ATP1B1: variants seen among roughly 807,000 people sequenced by gnomAD.
The protein encoded by ATP1B1 is sodium/potassium-transporting ATPase subunit beta-1.
ATP1B1 carries 3 observed loss-of-function variants against 39.6 expected under a neutral mutation model. That is an observed-to-expected ratio of 0.08 (90% CI 0.03 to 0.20). The LOEUF (loss-of-function observed/expected upper bound fraction) is 0.20. Among genes scored for constraint, ATP1B1 ranks in the 10% least tolerant of loss-of-function variants. The pLI is 1.00. For synonymous variants in ATP1B1, 139 were observed against 135.0 expected (o/e 1.03, Z -0.20); for missense variants, 216 against 371.1 (o/e 0.58, Z 3.43).
chr1:169,114,862 C>T (rs941881486), intron 2 of ATP1B1, among the ~76,000 whole-genome samples: 2 of 151,640 alleles, frequency 1.3e-5, no homozygotes, highest in African/African-American at 4.9e-5. Flanking sequence ...CATATCCACA[C>T]ACACACAAAA....
In ATP1B1 at chr1:169,115,430, C is replaced by G. The variant is rs543390717; in HGVS notation, c.226+3932C>G. Among the ~76,000 whole-genome samples, 204 of 150,458 alleles carry G rather than the reference C, an allele frequency of 1.4e-3. 2 individuals carry two copies. Among genetic ancestry groups the G allele is most frequent in the African/African-American group, 4.7e-3 (194 of 40,864 alleles). The stretch of plus-strand genomic sequence containing the variant: ...GTGGCATGATCTTGGCTCACTGCAA[C>G]CTCTGCCCCCTGGGTTCAAGCGATT... On this transcript the variant is annotated intron_variant, in intron 2 of 5. Transcript: ENST00000367815.
rs74121896 is a variant in ATP1B1, at chr1:169,130,177, A to G, written c.648+87A>G. 1,604 of 1,154,566 alleles carry G rather than the reference A, an allele frequency of 1.4e-3. 18 individuals are homozygous for G. The African/African-American group carries it at 0.022, about 16-fold the overall frequency. The allele number at this position is 1,154,566 out of a possible 1,614,324, so 71.5% of individuals were successfully genotyped here. On this transcript the variant is annotated intron_variant, in intron 5 of 5. Coordinates refer to ENST00000367815, the MANE Select transcript of ATP1B1 (RefSeq NM_001677.4). ...GAAGAAGACTGTTTAAGTGACAGGT[A>G]GAATTTTAATAGAAGAAATAAGAAA...
intron 2 of ATP1B1, among the ~76,000 whole-genome samples, chr1:169,115,252 A>T (rs537349514): frequency 6.6e-6 from 1 of 151,734 alleles, no homozygotes; most frequent in Non-Finnish European, 1.5e-5. Context: ...AAATGAGATG[A>T]TAAACATATA....
chr1:169,132,361 ATTTTCT>A lies in ATP1B1; in HGVS notation c.*810_*815del. 4.3e-6 allele frequency: 2 copies of A among 463,030 alleles called. No individual in the cohort carries two copies. Among genetic ancestry groups the A allele is most frequent in the East Asian group, 3.5e-5 (1 of 28,762 alleles). 28.7% of individuals were successfully genotyped at this position (463,030 alleles called of 1,614,324 possible). On this transcript the variant is annotated 3_prime_UTR_variant, in exon 6 of 6. Transcript: ENST00000367815. ...CAGGGCTAATTAATTTGCTTTATAC[ATTTTCT>A]TTTACTTTCCTTTTTTCCTTTCTGG...
intron 2 of ATP1B1, among the ~76,000 whole-genome samples, chr1:169,123,334 C>G (rs900620233): frequency 4.6e-5 from 7 of 151,722 alleles, no homozygotes; most frequent in African/African-American, 1.7e-4. Context: ...GGAGGGGAGT[C>G]TCTGAGACTG....
At chr1:169,126,657 G>A (rs971097521) in intron 3 of ATP1B1, among the ~76,000 whole-genome samples, 21 of 152,124 alleles carry the variant, frequency 1.4e-4, no homozygotes, top group African/African-American at 4.6e-4. Flanking sequence ...GCTGCAGTGG[G>A]CCATGATCAT....
intron 2 of ATP1B1, among the ~76,000 whole-genome samples, chr1:169,123,310 G>A (rs928840163): frequency 1.3e-5 from 2 of 151,754 alleles, no homozygotes; most frequent in Non-Finnish European, 2.9e-5. Flanking sequence ...TAGAGATTAC[G>A]ATTTTGCAGG....
intron 4 of ATP1B1, among the ~76,000 whole-genome samples, 187 bp from the exon 5 acceptor site, chr1:169,129,823 G>A (rs1200157): frequency 0.61 from 92,472 of 152,058 alleles, 28,419 homozygotes; most frequent in East Asian, 0.82. Flanking sequence ...TTTCATTTCA[G>A]CAAAATCACA....
intron 2 of ATP1B1, among the ~76,000 whole-genome samples, chr1:169,113,688 C>A (rs1317436867): frequency 1.3e-5 from 2 of 152,198 alleles, no homozygotes; most frequent in Non-Finnish European, 2.9e-5. Flanking sequence ...CCATCCCCTT[C>A]CTAAAAGACA....
intron 1 of ATP1B1, among the ~76,000 whole-genome samples, chr1:169,109,822 C>T (rs1200134): frequency 0.026 from 3,964 of 151,936 alleles, 111 homozygotes; most frequent in African/African-American, 0.066. Flanking sequence ...ACGATAGCTG[C>T]CTTGCTGACT....
chr1:169,123,860 C>G (rs557935900), intron 2 of ATP1B1, among the ~76,000 whole-genome samples: 11 of 152,272 alleles, frequency 7.2e-5, no homozygotes, highest in Admixed American at 6.5e-4. Flanking sequence ...CTCTGGATCT[C>G]AGGTGATCCA....
intron 2 of ATP1B1, among the ~76,000 whole-genome samples, chr1:169,119,441 C>G (rs2143290): frequency 1.3e-5 from 2 of 152,096 alleles, no homozygotes; most frequent in Non-Finnish European, 2.9e-5. Context: ...TGCGTGCCAG[C>G]GATTGGGTGT....
Position 169,107,063 on chromosome 1 carries a change from T to A in ATP1B1, c.97+137T>A, listed in dbSNP as rs1438112937. The A allele has an allele frequency of 2.7e-5, 21 of 783,506 alleles. No homozygotes were observed. The East Asian group carries it at 7.2e-4, about 27-fold the overall frequency. 48.5% of individuals were successfully genotyped at this position (783,506 alleles called of 1,614,324 possible). On this transcript the variant is annotated intron_variant, in intron 1 of 5. Coordinates refer to ENST00000367815, the MANE Select transcript of ATP1B1 (RefSeq NM_001677.4). ...CGGGGGCGAGGGTGGTGGACGCTGCTGGGTCGCGCCGGCCTGGGCTTGCAG... is the reference window on the plus strand; with the variant it reads ...CGGGGGCGAGGGTGGTGGACGCTGCAGGGTCGCGCCGGCCTGGGCTTGCAG...
chr1:169,110,959 C>G (rs1471612707), intron 1 of ATP1B1, among the ~76,000 whole-genome samples: 1 of 152,144 alleles, frequency 6.6e-6, no homozygotes, highest in African/African-American at 2.4e-5. Flanking sequence ...GCAAAGAAAA[C>G]ATAGGTCTCT....
chr1:169,107,363 T>TA (rs1401263634), intron 1 of ATP1B1, among the ~76,000 whole-genome samples: 1 of 152,170 alleles, frequency 6.6e-6, no homozygotes, highest in Non-Finnish European at 1.5e-5. Flanking sequence ...GGTTGTGTGT[T>TA]ACAGCATCTT....
At chr1:169,119,434 G>A (rs572500302) in intron 2 of ATP1B1, among the ~76,000 whole-genome samples, 35 of 152,284 alleles carry the variant, frequency 2.3e-4, no homozygotes, top group Middle Eastern at 3.4e-3. Flanking sequence ...TTGAAATTGC[G>A]TGCCAGCGAT....
intron 2 of ATP1B1, among the ~76,000 whole-genome samples, chr1:169,119,741 T>C (rs1019495109): frequency 6.6e-6 from 1 of 152,136 alleles, no homozygotes; most frequent in African/African-American, 2.4e-5. Flanking sequence ...TCGAAAATAC[T>C]GTGAGTCAAA....
intron 2 of ATP1B1, among the ~76,000 whole-genome samples, chr1:169,111,907 A>G (rs548021540): frequency 8.5e-5 from 13 of 152,320 alleles, no homozygotes; most frequent in Middle Eastern, 3.4e-3. Flanking sequence ...GCTATGACTC[A>G]GGTAAATTCT....
chr1:169,116,451 C>G (rs375137659), intron 2 of ATP1B1, among the ~76,000 whole-genome samples: 4 of 152,132 alleles, frequency 2.6e-5, no homozygotes, highest in Non-Finnish European at 4.4e-5. Flanking sequence ...TGTTGGTAAT[C>G]AGAATCGGGC....
Sources: allele counts gnomAD v4.1 joint callset (sites outside exome capture counted in the v4.1 genomes callset), GRCh38; gene constraint gnomAD v4.1.1; transcripts MANE v1.5; gene names NCBI Gene and HGNC (gene_info 2026-07-23, HGNC 2026-07-21).